TENM1: variants seen among roughly 807,000 people sequenced by gnomAD.
TENM1 encodes the protein teneurin-1.
TENM1 carries 35 observed loss-of-function variants against 174.8 expected under a neutral mutation model. The observed-to-expected ratio is 0.20, with a 90% CI of 0.15 to 0.27. The LOEUF (loss-of-function observed/expected upper bound fraction) is 0.27, where lower values mean the gene tolerates loss of function less well. Among genes scored for constraint, TENM1 ranks in the 10% least tolerant of loss-of-function variants. TENM1 has a pLI of 1.00. For missense variants in TENM1, 1,633 were observed against 2,130.1 expected (o/e 0.77, Z 4.59); for synonymous variants, 781 against 798.7 (o/e 0.98, Z 0.37).
chrX:124,867,495 T>C (rs1019812372), intron 3 of TENM1, among the ~76,000 whole-genome samples: 7 of 111,827 alleles, frequency 6.3e-5, no homozygotes, highest in East Asian at 2.8e-4. Context: ...ATCCCAACAT[T>C]ATAAAAGTCG....
At chrX:124,487,022 A>G (rs1251874166) in intron 21 of TENM1, among the ~76,000 whole-genome samples, 187 bp downstream of exon 24, 1 of 112,247 alleles carries the variant, frequency 8.9e-6, no homozygotes, top group Non-Finnish European at 1.9e-5. Context: ...TTGATCCTCC[A>G]GCAAATCCTA....
intron 11 of TENM1, among the ~76,000 whole-genome samples, chrX:124,622,286 TA>T (rs1248949707): frequency 9.0e-6 from 1 of 111,634 alleles, no homozygotes; most frequent in East Asian, 2.8e-4. Flanking sequence ...AATCTAATAT[TA>T]GGGGTGGGAA....
At chrX:124,378,152 C>G (rs2060122099) in exon 32 of TENM1, 1 of 111,866 alleles carries the variant, frequency 8.9e-6, no homozygotes, top group Admixed American at 9.5e-5. Flanking sequence ...CAACCAAATA[C>G]GTATTACAAA....
intron 22 of TENM1, among the ~76,000 whole-genome samples, chrX:124,477,581 G>A (rs1460546114): frequency 3.6e-5 from 4 of 110,297 alleles, no homozygotes; most frequent in Non-Finnish European, 7.6e-5. Flanking sequence ...GTGAAACCCC[G>A]TCTCTACTAA....
chrX:124,757,684 T>C (rs1256047255), intron 3 of TENM1, among the ~76,000 whole-genome samples: 1 of 112,479 alleles, frequency 8.9e-6, no homozygotes, highest in Non-Finnish European at 1.9e-5. Flanking sequence ...AATAAATACA[T>C]AGTGTAGCAC....
At chrX:124,384,402 A>G (rs751999213) in exon 30 of TENM1, 6 of 1,211,113 alleles carry the variant, frequency 5.0e-6, no homozygotes, top group Non-Finnish European at 6.7e-6. Flanking sequence ...CTATAACGCC[A>G]CTGGGTTTTG....
At chrX:124,800,185 T>C (rs976159631) in intron 3 of TENM1, among the ~76,000 whole-genome samples, 1 of 111,897 alleles carries the variant, frequency 8.9e-6, no homozygotes. Context: ...TGGTACTAGC[T>C]CCTCTTTGTA....
At chrX:124,869,011 C>T (rs924278243) in intron 3 of TENM1, among the ~76,000 whole-genome samples, 4 of 104,079 alleles carry the variant, frequency 3.8e-5, no homozygotes, top group East Asian at 3.0e-4. Context: ...GATCACTTGA[C>T]GTCAGGAGCT....
intron 22 of TENM1, among the ~76,000 whole-genome samples, chrX:124,455,997 C>T (rs1183879876): frequency 9.0e-6 from 1 of 111,641 alleles, no homozygotes. Context: ...AAAGTTTAGG[C>T]TGATCCAGGG....
At chrX:124,493,756 A>G (rs2047123269) in intron 20 of TENM1, among the ~76,000 whole-genome samples, 1 of 111,671 alleles carries the variant, frequency 9.0e-6, no homozygotes, top group African/African-American at 3.3e-5. Context: ...GCTGCTGGAA[A>G]TGACAAGTCC....
At chrX:124,660,667 A>G (rs1305458532) in intron 6 of TENM1, among the ~76,000 whole-genome samples, 1 of 112,059 alleles carries the variant, frequency 8.9e-6, no homozygotes, top group East Asian at 2.8e-4. Context: ...AAAAACCACA[A>G]TGAGATACCA....
At chrX:124,804,616 G>T (rs1157284078) in intron 3 of TENM1, among the ~76,000 whole-genome samples, 1 of 111,474 alleles carries the variant, frequency 9.0e-6, no homozygotes, top group African/African-American at 3.3e-5. Flanking sequence ...AACAAAGAAC[G>T]AAAATTCTTC....
intron 3 of TENM1, among the ~76,000 whole-genome samples, chrX:124,818,164 G>A (rs1371767738): frequency 1.8e-5 from 2 of 111,449 alleles, no homozygotes; most frequent in East Asian, 2.8e-4. Flanking sequence ...ATTAGTGAAA[G>A]CTTTATTTAG....
chrX:124,589,532 G>T (rs778803490), intron 11 of TENM1, among the ~76,000 whole-genome samples: 19 of 110,991 alleles, frequency 1.7e-4, no homozygotes, highest in Non-Finnish European at 3.2e-4. Context: ...ATTTGGCTGT[G>T]AATCCATCTG....
Position 124,624,696 on chromosome X carries a change from C to G in TENM1, c.2077+17095G>C, listed in dbSNP as rs760561348. 8.1e-5 allele frequency among the ~76,000 whole-genome samples: 9 copies of G among 111,536 alleles called. No individual in the cohort carries two copies. In the East Asian group the frequency reaches 2.5e-3, roughly 31 times the overall value. ...GGGTAGGTCAATAAATCTAATGGAG[C>G]CTCAGTTTCTTCATTTATAAAATGG... On this transcript the variant is annotated intron_variant, in intron 11 of 31. Transcript: ENST00000422452.
At chrX:124,503,066 C>G (rs1385007361) in intron 19 of TENM1, among the ~76,000 whole-genome samples, 1 of 111,317 alleles carries the variant, frequency 9.0e-6, no homozygotes, top group Non-Finnish European at 1.9e-5. Context: ...GAAAAATAAC[C>G]CAATGTACAT....
chrX:124,958,847 T>C (rs2058614868), intron 1 of TENM1, among the ~76,000 whole-genome samples: 2 of 111,455 alleles, frequency 1.8e-5, no homozygotes, highest in Non-Finnish European at 3.8e-5. Context: ...AAATTTATCA[T>C]TATTATTGTG....
chrX:124,821,506 TATTA>T (rs1301692114), intron 3 of TENM1, among the ~76,000 whole-genome samples: 1 of 112,543 alleles, frequency 8.9e-6, no homozygotes, highest in Non-Finnish European at 1.9e-5. Flanking sequence ...AAAAGAGAAC[TATTA>T]TTTGAAATGT....
chrX:124,740,316 G>T (rs181885621), intron 3 of TENM1, among the ~76,000 whole-genome samples: 53 of 111,737 alleles, frequency 4.7e-4, no homozygotes, highest in Non-Finnish European at 8.1e-4. Flanking sequence ...TTGTTCAAAA[G>T]AAAAAGAATA....
Sources: allele counts gnomAD v4.1 joint callset (sites outside exome capture counted in the v4.1 genomes callset), GRCh38; gene constraint gnomAD v4.1.1; transcripts MANE v1.5; gene names NCBI Gene and HGNC (gene_info 2026-07-23, HGNC 2026-07-21).